The following RGPD6 variants were observed in gnomAD, a reference collection of about 807,000 sequenced individuals.
RGPD6 encodes the protein RANBP2 like and GRIP domain containing 6, also known as RANBP2-like and GRIP domain-containing protein 5/6.
the RGPD6 span, among the ~76,000 whole-genome samples, chr2:110,595,318 C>T: frequency 6.8e-6 from 1 of 147,276 alleles, no homozygotes; most frequent in East Asian, 2.0e-4. Flanking sequence ...ACCCTGCCTG[C>T]TCTAAAAGTC....
the RGPD6 span, among the ~76,000 whole-genome samples, chr2:110,600,831 A>T: frequency 9.7e-6 from 1 of 102,624 alleles, no homozygotes; most frequent in South Asian, 4.6e-4. Context: ...GTAAATACAG[A>T]TGAAGCTTCT....
chr2:110,591,636 C>T, the RGPD6 span, among the ~76,000 whole-genome samples: 1 of 151,618 alleles, frequency 6.6e-6, no homozygotes, highest in Non-Finnish European at 1.5e-5. Flanking sequence ...TAACTGCACC[C>T]CTGTCCCCAA....
At chr2:110,611,035 C>T in the RGPD6 span, 822 of 961,876 alleles carry the variant, frequency 8.5e-4, 46 homozygotes, top group African/African-American at 0.016. Context: ...GAGCTCGCCG[C>T]GCCGCCGCCG....
At chr2:110,605,176 C>T in the RGPD6 span, among the ~76,000 whole-genome samples, 1 of 151,940 alleles carries the variant, frequency 6.6e-6, no homozygotes, top group Non-Finnish European at 1.5e-5. Context: ...GCGGATGCAA[C>T]ACTCCACTGC....
the RGPD6 span, among the ~76,000 whole-genome samples, chr2:110,593,365 G>A: frequency 1.4e-4 from 20 of 146,614 alleles, no homozygotes; most frequent in Non-Finnish European, 2.8e-4. Flanking sequence ...GTTGTTTACT[G>A]TATTTTGCTT....
chr2:110,576,897 C>CG (rs1688399029), intron 1 of RGPD6, 56 bp downstream of exon 1: 1 of 245,686 alleles, frequency 4.1e-6, no homozygotes, highest in Non-Finnish European at 6.0e-6. Context: ...CGCCGCCCCC[C>CG]CCCTCCCCCC....
the RGPD6 span, among the ~76,000 whole-genome samples, chr2:110,608,448 A>G: frequency 6.6e-6 from 1 of 151,092 alleles, no homozygotes; most frequent in African/African-American, 2.5e-5. Flanking sequence ...GTTCTCAAAT[A>G]TTAGTTATTT....
At chr2:110,605,077 T>C in the RGPD6 span, among the ~76,000 whole-genome samples, 2 of 150,942 alleles carry the variant, frequency 1.3e-5, no homozygotes, top group Admixed American at 6.6e-5. Context: ...CCAGCTGGAG[T>C]CCCCAAGTTC....
rs754220988 is a variant in RGPD6, at chr2:110,576,908, C to G, written c.72+45G>C. The G allele has an allele frequency of 2.6e-4, 282 of 1,104,756 alleles. 6 individuals are homozygous for G. The highest frequency in any genetic ancestry group is 1.1e-3 in the South Asian group (46 of 40,216). The allele number at this position is 1,104,756 out of a possible 1,614,324, so 68.4% of individuals were successfully genotyped here. A position where few individuals can be genotyped will look rare whatever the true frequency, so the allele number is the denominator to read the frequency against. On this transcript the variant is annotated intron_variant, in intron 1 of 22. Transcript: ENST00000329516. Reference sequence around the variant, plus strand: ...CCGCCGCCGCCCCCCCCCTCCCCCCCCGGCCGGGTCGAGGCCGCCGTCGCT... The same window carrying G: ...CCGCCGCCGCCCCCCCCCTCCCCCCGCGGCCGGGTCGAGGCCGCCGTCGCT...
chr2:110,592,925 G>T, the RGPD6 span, among the ~76,000 whole-genome samples: 1 of 146,482 alleles, frequency 6.8e-6, no homozygotes, highest in Non-Finnish European at 1.5e-5. Context: ...TATTAAATGG[G>T]CTTGAAACTA....
At chr2:110,606,069 A>T in the RGPD6 span, among the ~76,000 whole-genome samples, 1 of 151,782 alleles carries the variant, frequency 6.6e-6, no homozygotes, top group African/African-American at 2.4e-5. Flanking sequence ...TGCAGGTTTC[A>T]GCCTATGAAT....
chr2:110,601,619 C>T, the RGPD6 span, among the ~76,000 whole-genome samples: 1 of 147,224 alleles, frequency 6.8e-6, no homozygotes, highest in Non-Finnish European at 1.5e-5. Flanking sequence ...TCTCTCCTCC[C>T]CCACAATCTG....
At chr2:110,589,393 T>G in the RGPD6 span, among the ~76,000 whole-genome samples, 1 of 152,038 alleles carries the variant, frequency 6.6e-6, no homozygotes, top group African/African-American at 2.4e-5. Flanking sequence ...AAACGGCTCT[T>G]AAAATAATGC....
At chr2:110,593,201 G>A in the RGPD6 span, among the ~76,000 whole-genome samples, 11 of 148,110 alleles carry the variant, frequency 7.4e-5, no homozygotes, top group East Asian at 3.9e-4. Context: ...TTACAAATGA[G>A]AAAATGAAGC....
At chr2:110,605,216 G>A in the RGPD6 span, among the ~76,000 whole-genome samples, 1 of 151,804 alleles carries the variant, frequency 6.6e-6, no homozygotes, top group African/African-American at 2.4e-5. Flanking sequence ...CCTCCTCCAG[G>A]CTGATGAGCA....
chr2:110,591,595 C>A, the RGPD6 span, among the ~76,000 whole-genome samples: 262 of 142,324 alleles, frequency 1.8e-3, 1 homozygote, highest in South Asian at 5.5e-3. Flanking sequence ...ATCACCTCGG[C>A]CACACCAGTT....
chr2:110,608,289 G>C, the RGPD6 span, among the ~76,000 whole-genome samples: 2 of 144,110 alleles, frequency 1.4e-5, no homozygotes, highest in Non-Finnish European at 3.0e-5. Flanking sequence ...GCTGTCATCT[G>C]TTTTATGACC....
the RGPD6 span, among the ~76,000 whole-genome samples, chr2:110,601,426 G>C: frequency 6.7e-6 from 1 of 149,214 alleles, no homozygotes; most frequent in Admixed American, 6.7e-5. Flanking sequence ...TTTGGTGTGT[G>C]GTGGGGGGCG....
At chr2:110,605,277 GAGA>G in the RGPD6 span, among the ~76,000 whole-genome samples, 1 of 151,694 alleles carries the variant, frequency 6.6e-6, no homozygotes, top group Non-Finnish European at 1.5e-5. Flanking sequence ...CCACTCTACT[GAGA>G]AGGCTTTGCC....
Sources: allele counts gnomAD v4.1 joint callset (sites outside exome capture counted in the v4.1 genomes callset), GRCh38; gene constraint gnomAD v4.1.1; transcripts MANE v1.5; gene names NCBI Gene and HGNC (gene_info 2026-07-23, HGNC 2026-07-21).